CCDC175: variants seen among roughly 807,000 people sequenced by gnomAD.
CCDC175 encodes coiled-coil domain-containing protein 175.
A neutral mutation model predicts 114.6 loss-of-function variants in CCDC175; 100 were observed. The observed-to-expected ratio is 0.87, with a 90% CI of 0.74 to 1.03. The LOEUF is 1.03. CCDC175 is among the 50% of genes least tolerant of loss of function. The pLI, the probability that CCDC175 is intolerant of heterozygous loss-of-function variation, is 0.00. For missense variants in CCDC175, 880 were observed against 917.8 expected (o/e 0.96, Z 0.53); for synonymous variants, 306 against 308.7 (o/e 0.99, Z 0.09).
At chr14:59,507,741 G>A (rs1047990394) in intron 19 of CCDC175, among the ~76,000 whole-genome samples, 3 of 152,210 alleles carry the variant, frequency 2.0e-5, no homozygotes, top group Admixed American at 1.3e-4. Context: ...TGGGTCTGGT[G>A]TTTTATAACT....
chr14:59,563,674 A>G (rs1316426836), intron 6 of CCDC175, 63 bp downstream of exon 6: 1 of 1,029,232 alleles, frequency 9.7e-7, no homozygotes, highest in East Asian at 3.3e-5. Flanking sequence ...ATTACAATCA[A>G]CTCCTTTTTT....
chr14:59,505,589 G>A (rs906148287), intron 19 of CCDC175, among the ~76,000 whole-genome samples: 4 of 152,022 alleles, frequency 2.6e-5, no homozygotes, highest in African/African-American at 7.2e-5. Context: ...AAGGCCTCAC[G>A]GGCAAATAAT....
At chr14:59,556,300 A>G (rs896684901) in intron 7 of CCDC175, among the ~76,000 whole-genome samples, 1 of 152,202 alleles carries the variant, frequency 6.6e-6, no homozygotes, top group Non-Finnish European at 1.5e-5. Context: ...CCTCAGAAAT[A>G]ATACTACACA....
chr14:59,551,025 T>A (rs1047663049), intron 8 of CCDC175: 1 of 170,908 alleles, frequency 5.9e-6, no homozygotes, highest in Admixed American at 6.3e-5. Flanking sequence ...TTCACAGGCG[T>A]AGCACACAAC....
chr14:59,553,684 G>T (rs945623643), intron 7 of CCDC175, among the ~76,000 whole-genome samples: 5 of 152,088 alleles, frequency 3.3e-5, no homozygotes, highest in Non-Finnish European at 7.4e-5. Context: ...TGGATAAAAA[G>T]TCAAGACCCA....
chr14:59,569,058 A>C (rs1347854925), intron 3 of CCDC175, among the ~76,000 whole-genome samples: 1 of 152,250 alleles, frequency 6.6e-6, no homozygotes, highest in Non-Finnish European at 1.5e-5. Flanking sequence ...TCATCCATAA[A>C]TAATAAGTCA....
At chr14:59,566,183 T>C (rs2140117713) in intron 4 of CCDC175, among the ~76,000 whole-genome samples, 1 of 152,308 alleles carries the variant, frequency 6.6e-6, no homozygotes, top group South Asian at 2.1e-4. Flanking sequence ...ATAGGAGTCA[T>C]TAACCTCACA....
At chr14:59,576,062 T>G (rs1397150086) in intron 1 of CCDC175, among the ~76,000 whole-genome samples, 1 of 152,202 alleles carries the variant, frequency 6.6e-6, no homozygotes, top group Non-Finnish European at 1.5e-5. Flanking sequence ...TTAAGTGACT[T>G]GATTACAGGT....
At chr14:59,538,214 G>A (rs951625701) in intron 12 of CCDC175, 60 bp from the exon 13 acceptor site, 19 of 1,355,896 alleles carry the variant, frequency 1.4e-5, no homozygotes, top group East Asian at 1.4e-4. Context: ...TTACATTTTC[G>A]AATAGCCAGG....
At chr14:59,527,009 A>T (rs1317030315) in intron 15 of CCDC175, 86 bp downstream of exon 15, 10 of 687,826 alleles carry the variant, frequency 1.5e-5, no homozygotes, top group Non-Finnish European at 2.3e-5. Context: ...TTTCATGAAA[A>T]CTTCAATGCC....
At chr14:59,520,030 C>G (rs1893332218) in intron 17 of CCDC175, among the ~76,000 whole-genome samples, 1 of 152,224 alleles carries the variant, frequency 6.6e-6, no homozygotes, top group Non-Finnish European at 1.5e-5. Flanking sequence ...CCTCAGCCTT[C>G]AAGTTGCCCT....
rs377724899 is a variant in CCDC175, at chr14:59,533,954, A to T, written c.1624-2044T>A. 1.3e-4 allele frequency among the ~76,000 whole-genome samples: 19 copies of T among 145,620 alleles called. 2 individuals are homozygous for T. The highest frequency in any genetic ancestry group is 8.6e-4 in the Admixed American group (12 of 13,984). On this transcript the variant is annotated intron_variant, in intron 13 of 19. Transcript: ENST00000537690. ...CAGTGAGCCTAGATCGCGCCACTGC[A>T]CTCCAGCCTGGGCAACAGGGTGAGA...
At chr14:59,574,500 TC>T (rs1897002778) in intron 2 of CCDC175, among the ~76,000 whole-genome samples, 1 of 152,254 alleles carries the variant, frequency 6.6e-6, no homozygotes, top group African/African-American at 2.4e-5. Flanking sequence ...GGAACATATG[TC>T]AAATAATCTT....
At position 59,546,430 on chromosome 14, in the gene CCDC175, T is replaced by C. The variant is rs1181092977; in HGVS notation, c.1036-1131A>G. On this transcript the variant is annotated intron_variant, in intron 8 of 19. Coordinates refer to ENST00000537690, the MANE Select transcript of CCDC175 (RefSeq NM_001164399.2). The stretch of plus-strand genomic sequence containing the variant: ...ATCTCAGCATTATGCAATATACCCT[T>C]GTAATAAACCTGCACATGTGCTTGA... 2.6e-5 allele frequency among the ~76,000 whole-genome samples: 4 copies of C among 152,078 alleles called. 1 individual carries two copies. Among genetic ancestry groups the C allele is most frequent in the Non-Finnish European group, 5.9e-5 (4 of 68,006 alleles).
Position 59,525,376 on chromosome 14 carries a change from T to A in CCDC175, c.1901A>T (p.Asp634Val), listed in dbSNP as rs1893681602. ...TAAGTTCTTTAGAGTTTCAAAATGA[T>A]CTTTGTTTTTTTTGCTTTCTTGATC... ...LRDQESKKNK[D>V]HFETLKNLEN... The change falls in exon 16 of 20, where the codon GAT (aspartate) becomes GTT (valine). Residue 634 changes from aspartate to valine, a missense_variant. Transcript: ENST00000537690. 4 of 1,521,258 alleles carry A rather than the reference T, an allele frequency of 2.6e-6. No individual in the cohort carries two copies. Among genetic ancestry groups the A allele is most frequent in the African/African-American group, 1.4e-5 (1 of 71,618 alleles). 94.2% of individuals were successfully genotyped at this position (1,521,258 alleles called of 1,614,324 possible).
chr14:59,543,048 C>G (rs1024580593), intron 10 of CCDC175, among the ~76,000 whole-genome samples: 1 of 151,998 alleles, frequency 6.6e-6, no homozygotes, highest in African/African-American at 2.4e-5. Context: ...ACTTAGAATG[C>G]AGAAATGAAC....
At chr14:59,520,328 T>A (rs772571136) in intron 17 of CCDC175, among the ~76,000 whole-genome samples, 2 of 152,220 alleles carry the variant, frequency 1.3e-5, no homozygotes, top group Non-Finnish European at 1.5e-5. Context: ...TTGATGAGGA[T>A]GTAGAGCAAT....
chr14:59,509,475 C>T (rs747780251), intron 19 of CCDC175, among the ~76,000 whole-genome samples: 8 of 152,140 alleles, frequency 5.3e-5, no homozygotes, highest in Non-Finnish European at 1.0e-4. Flanking sequence ...CACAGGTTTT[C>T]CCAAATACTG....
At chr14:59,563,667 A>T in intron 6 of CCDC175, 70 bp downstream of exon 6, 1 of 961,084 alleles carries the variant, frequency 1.0e-6, no homozygotes, top group Non-Finnish European at 1.4e-6. Flanking sequence ...AAGATGAATT[A>T]CAATCAACTC....
Sources: gnomAD v4.1 joint callset for allele counts (sites outside exome capture counted in the v4.1 genomes callset) on GRCh38, gnomAD v4.1.1 for gene constraint, MANE v1.5 for transcripts, NCBI Gene and HGNC (gene_info 2026-07-23, HGNC 2026-07-21) for gene names.